Variants in TOMM40 observed in about 807,000 individuals in gnomAD.
TOMM40 encodes the protein mitochondrial import receptor subunit TOM40 homolog.
TOMM40 carries 9 observed loss-of-function variants against 38.4 expected under a neutral mutation model. The ratio of observed to expected loss-of-function variants is 0.23; its 90% CI spans 0.14 to 0.41. The LOEUF (loss-of-function observed/expected upper bound fraction) is 0.41, where lower values mean the gene tolerates loss of function less well. Among genes scored for constraint, TOMM40 ranks in the 10% least tolerant of loss-of-function variants. The pLI is 1.00. For missense variants in TOMM40, 299 were observed against 486.5 expected (o/e 0.61, Z 3.63); for synonymous variants, 184 against 210.0 (o/e 0.88, Z 1.07).
At chr19:44,899,833 G>T (rs1969646008) in intron 5 of TOMM40, among the ~76,000 whole-genome samples, 1 of 123,106 alleles carries the variant, frequency 8.1e-6, no homozygotes. Flanking sequence ...TTTTGAGATG[G>T]GGTCTCACCA....
intron 5 of TOMM40, among the ~76,000 whole-genome samples, chr19:44,895,025 CTG>C (rs1768507338): frequency 1.3e-5 from 2 of 152,248 alleles, no homozygotes; most frequent in African/African-American, 4.8e-5. Flanking sequence ...GGCGATGACT[CTG>C]TAGTTTTTGG....
Position 44,892,811 on chromosome 19 carries a change from C to G in TOMM40, c.343-26C>G, listed in dbSNP as rs1025589963. ...GTGGGCAAGCCTATCTGTCCAGTATCGTCACAGCTCTCGCTTTCCTTCCAG... is the reference window on the plus strand; with the variant it reads ...GTGGGCAAGCCTATCTGTCCAGTATGGTCACAGCTCTCGCTTTCCTTCCAG... On this transcript the variant is annotated intron_variant, in intron 2 of 8. Coordinates refer to ENST00000426677, the MANE Select transcript of TOMM40 (RefSeq NM_001128917.2). 5 of 1,578,174 alleles carry G rather than the reference C, an allele frequency of 3.2e-6. No homozygotes were observed. In the African/African-American group the frequency reaches 6.7e-5, roughly 21 times the overall value.
chr19:44,896,477 A>G (rs1343242393), intron 5 of TOMM40, among the ~76,000 whole-genome samples: 1 of 152,202 alleles, frequency 6.6e-6, no homozygotes. Context: ...ATGCACAGTC[A>G]CCACTTGCTC....
rs757266081 is a variant in TOMM40, at chr19:44,901,388, G to T, written c.946+78G>T. On this transcript the variant is annotated intron_variant, in intron 8 of 8. Transcript: ENST00000426677. ...TGAGTGGATGTGTGGGCCACCACAG[G>T]TGCTGGAGGACAGTGTGCTGCCACC... 103 of 1,550,518 alleles carry T rather than the reference G, an allele frequency of 6.6e-5. No homozygotes were observed. The East Asian group carries it at 2.5e-3, about 37-fold the overall frequency.
At chr19:44,896,111 G>A (rs1279545501) in intron 5 of TOMM40, among the ~76,000 whole-genome samples, 1 of 152,166 alleles carries the variant, frequency 6.6e-6, no homozygotes, top group Non-Finnish European at 1.5e-5. Flanking sequence ...TCCCTGTGCC[G>A]CCTCGCTCGC....
Position 44,892,377 on chromosome 19 carries a change from C to T in TOMM40, c.275-16C>T, listed in dbSNP as rs1483161527. The T allele has an allele frequency of 6.2e-7, 1 of 1,613,586 alleles. No individual in the cohort carries two copies. Among genetic ancestry groups the T allele is most frequent in the Non-Finnish European group, 8.5e-7 (1 of 1,179,686 alleles). On this transcript the variant is annotated splice_polypyrimidine_tract_variant and intron_variant, in intron 1 of 8. Coordinates refer to ENST00000426677, the MANE Select transcript of TOMM40 (RefSeq NM_001128917.2). ...GTGGGGTTGGAGTGGAGTGTGACAG[C>T]GTTTCTCTTCTCCAGAGCTGTTTCC...
intron 5 of TOMM40, among the ~76,000 whole-genome samples, chr19:44,897,293 T>G (rs1054421389): frequency 7.9e-5 from 12 of 152,104 alleles, no homozygotes; most frequent in African/African-American, 2.9e-4. Context: ...TGGCCTCAGT[T>G]CCAACAGTCC....
chr19:44,901,190 T>C lies in TOMM40; in HGVS notation c.844-18T>C. 6.2e-7 allele frequency: 1 copy of C among 1,614,036 alleles called. No homozygotes were observed. Among genetic ancestry groups the C allele is most frequent in the Non-Finnish European group, 8.5e-7 (1 of 1,179,934 alleles). The stretch of plus-strand genomic sequence containing the variant: ...GGGGCCACTTGCTAATTCTCATGTG[T>C]TGCTCCGGCCCCTCCAGCTGCAGGT... On this transcript the variant is annotated intron_variant, in intron 7 of 8. Transcript: ENST00000426677.
In TOMM40 at chr19:44,894,199, G is replaced by A. The variant is rs1183038616; in HGVS notation, c.643+133G>A. 6.6e-6 allele frequency: 4 copies of A among 604,680 alleles called. No individual in the cohort carries two copies. In the African/African-American group the frequency reaches 7.7e-5, roughly 12 times the overall value. The allele number at this position is 604,680 out of a possible 1,614,324, so 37.5% of individuals were successfully genotyped here. ...AGCAGGAGTGATTTTGAAACATCAG[G>A]CAACATACTACAGTGGGTGAGACGG... On this transcript the variant is annotated intron_variant, in intron 5 of 8. Transcript: ENST00000426677.
intron 3 of TOMM40, 57 bp downstream of exon 3, chr19:44,892,986 A>G: frequency 6.9e-7 from 1 of 1,455,560 alleles, no homozygotes; most frequent in Non-Finnish European, 9.5e-7. Flanking sequence ...TTTGTAGCCA[A>G]ATGTCAAGCT....
chr19:44,900,903 C>T (rs1351072683), intron 6 of TOMM40, 51 bp downstream of exon 6: 3 of 1,609,460 alleles, frequency 1.9e-6, no homozygotes, highest in Non-Finnish European at 2.5e-6. Flanking sequence ...CCCTGGACTC[C>T]TCCTGGGTCT....
Position 44,903,163 on chromosome 19 carries a change from C to G in TOMM40, c.1080C>G (p.Ile360Met), listed in dbSNP as rs894059862. 1 of 1,610,130 alleles carries G rather than the reference C, an allele frequency of 6.2e-7. No homozygotes were observed. Among genetic ancestry groups the G allele is most frequent in the Non-Finnish European group, 8.5e-7 (1 of 1,178,976 alleles). ...TTCAGTGTGGCTTTGGCCTCACCAT[C>G]GGCTGAGCCCTCCTGGCCCCCGCCT... ...NKFQCGFGLT[I>M]G Residue 360 changes from isoleucine to methionine, a missense_variant, in exon 9 of 9, where the codon ATC becomes ATG. By Grantham distance (10) the Ile-to-Met change is conservative (BLOSUM62 1). Transcript: ENST00000426677.
At chr19:44,902,110 A>T (rs973835011) in intron 8 of TOMM40, 4 of 152,220 alleles carry the variant, frequency 2.6e-5, no homozygotes, top group Non-Finnish European at 4.4e-5. Flanking sequence ...AAAATGAAAT[A>T]AATAAATAAA....
chr19:44,900,663 C>G, intron 5 of TOMM40, 67 bp from the exon 6 acceptor site: 1 of 1,610,380 alleles, frequency 6.2e-7, no homozygotes, highest in Non-Finnish European at 8.5e-7. Flanking sequence ...GCCTAGAGGG[C>G]TTCCTGGAGG....
chr19:44,896,331 G>A (rs1969565311), intron 5 of TOMM40, among the ~76,000 whole-genome samples: 1 of 152,204 alleles, frequency 6.6e-6, no homozygotes, highest in Admixed American at 6.5e-5. Context: ...AGGCGGCTCT[G>A]TGACCTCCGG....
At position 44,891,669 on chromosome 19, in the gene TOMM40, A is replaced by G; in HGVS notation, c.254A>G (p.Glu85Gly). The G allele has an allele frequency of 6.8e-7, 1 of 1,477,794 alleles. No homozygotes were observed. The highest frequency in any genetic ancestry group is 1.3e-5 in the South Asian group (1 of 79,424). The allele number at this position is 1,477,794 out of a possible 1,614,324, so 91.5% of individuals were successfully genotyped here. Reference sequence around the variant, plus strand: ...CTGCCCAACCCGGGCACATTCGAGGAGTGCCACCGGAAGTGCAAGGGTGAG... The same window carrying G: ...CTGCCCAACCCGGGCACATTCGAGGGGTGCCACCGGAAGTGCAAGGGTGAG... ...GCLPNPGTFE[E>G]CHRKCKELFP... Residue 85 changes from glutamate to glycine, a missense_variant, in exon 1 of 9, where the codon GAG becomes GGG. Coordinates refer to ENST00000426677, the MANE Select transcript of TOMM40 (RefSeq NM_001128917.2).
At chr19:44,901,446 T>A in intron 8 of TOMM40, 136 bp downstream of exon 8, 1 of 1,483,994 alleles carries the variant, frequency 6.7e-7, no homozygotes, top group East Asian at 2.5e-5. Flanking sequence ...GGAACACTTG[T>A]TAAAAGGTAG....
intron 5 of TOMM40, among the ~76,000 whole-genome samples, chr19:44,898,898 A>T (rs1969622659): frequency 6.6e-6 from 1 of 151,422 alleles, no homozygotes; most frequent in Non-Finnish European, 1.5e-5. Context: ...TAATCCCAGC[A>T]CTTTGGGAGG....
At chr19:44,895,685 T>C (rs906160165) in intron 5 of TOMM40, among the ~76,000 whole-genome samples, 1 of 152,092 alleles carries the variant, frequency 6.6e-6, no homozygotes, top group Non-Finnish European at 1.5e-5. Flanking sequence ...TAGCTGGGAC[T>C]ACAGGCGCGC....
Sources: gnomAD v4.1 joint callset for allele counts (sites outside exome capture counted in the v4.1 genomes callset) on GRCh38, gnomAD v4.1.1 for gene constraint, MANE v1.5 for transcripts, NCBI Gene and HGNC (gene_info 2026-07-23, HGNC 2026-07-21) for gene names.